CNTNAP2: variants seen among roughly 807,000 people sequenced by gnomAD.
CNTNAP2 encodes the protein contactin associated protein 2, also known as contactin-associated protein-like 2.
CNTNAP2 carries 98 observed loss-of-function variants against 155.2 expected under a neutral mutation model. The observed-to-expected ratio is 0.63, with a 90% CI of 0.54 to 0.75. CNTNAP2 has a LOEUF of 0.75. Ranked by LOEUF, CNTNAP2 falls within the 30% of genes least tolerant of loss-of-function variation. The pLI is 0.00. For missense variants in CNTNAP2, 1,727 were observed against 1,688.1 expected (o/e 1.02, Z -0.40); for synonymous variants, 651 against 631.2 (o/e 1.03, Z -0.47).
chr7:146,765,641 A>G (rs62481397), intron 1 of CNTNAP2, among the ~76,000 whole-genome samples: 27,499 of 152,180 alleles, frequency 0.18, 3,285 homozygotes, highest in Non-Finnish European at 0.27. Flanking sequence ...CCATTCAACA[A>G]GAAAAGTAAT....
At chr7:147,190,316 A>T (rs955178669) in intron 8 of CNTNAP2, among the ~76,000 whole-genome samples, 20 of 152,162 alleles carry the variant, frequency 1.3e-4, no homozygotes, top group African/African-American at 4.8e-4. Flanking sequence ...AGTTGTCTGG[A>T]GTAAGTTTTG....
rs753287011 is a variant in CNTNAP2, at chr7:147,380,810, C to T, written c.1499-14799C>T. On this transcript the variant is annotated intron_variant, in intron 9 of 23. Coordinates refer to ENST00000361727, the MANE Select transcript of CNTNAP2 (RefSeq NM_014141.6). The stretch of plus-strand genomic sequence containing the variant: ...TCCTACTAGTTGGGATTGTCCCTAT[C>T]ATCTTAATGCAGATAATTGTGAGTC... Among the ~76,000 whole-genome samples, 4 of 152,254 alleles carry T rather than the reference C, an allele frequency of 2.6e-5. No individual in the cohort carries two copies. The East Asian group carries it at 7.7e-4, about 29-fold the overall frequency.
At chr7:148,228,284 TTAAC>T (rs1795892960) in intron 19 of CNTNAP2, among the ~76,000 whole-genome samples, 1 of 152,166 alleles carries the variant, frequency 6.6e-6, no homozygotes, top group Admixed American at 6.5e-5. Flanking sequence ...TGCTTGCAGA[TTAAC>T]TAAAAGCAGG....
chr7:146,242,842 C>T (rs953079183), intron 1 of CNTNAP2, among the ~76,000 whole-genome samples: 2 of 152,158 alleles, frequency 1.3e-5, no homozygotes, highest in Non-Finnish European at 2.9e-5. Flanking sequence ...AATGATAGCA[C>T]ATTTAGAAGA....
At position 146,509,411 on chromosome 7, in the gene CNTNAP2, C is replaced by T. The variant is rs116295266; in HGVS notation, c.98-264860C>T. Reference sequence around the variant, plus strand: ...ACTGTTGGCTCCCTCATCCCAAAGGCGAAGCATCTAGGTGGGTAGGATTTC... The same window carrying T: ...ACTGTTGGCTCCCTCATCCCAAAGGTGAAGCATCTAGGTGGGTAGGATTTC... On this transcript the variant is annotated intron_variant, in intron 1 of 23. Coordinates refer to ENST00000361727, the MANE Select transcript of CNTNAP2 (RefSeq NM_014141.6). Among the ~76,000 whole-genome samples the T allele has an allele frequency of 5.3e-3, 812 of 152,262 alleles. 5 individuals are homozygous for T. Among genetic ancestry groups the T allele is most frequent in the African/African-American group, 0.018 (768 of 41,556 alleles).
At chr7:146,332,941 A>ATTTTTTCTTTTTTTT (rs1801209391) in intron 1 of CNTNAP2, among the ~76,000 whole-genome samples, 1 of 102,456 alleles carries the variant, frequency 9.8e-6, no homozygotes, top group Non-Finnish European at 2.0e-5. Flanking sequence ...TTCTTCTTCT[A>ATTTTTTCTTTTTTTT]TTTTTTTTTT....
intron 1 of CNTNAP2, among the ~76,000 whole-genome samples, chr7:146,218,600 C>CT (rs1038722883): frequency 6.6e-5 from 10 of 151,990 alleles, no homozygotes; most frequent in South Asian, 2.1e-4. Flanking sequence ...ATATATATTT[C>CT]TTTTTTTTCC....
At chr7:147,635,470 G>C (rs533511833) in intron 12 of CNTNAP2, among the ~76,000 whole-genome samples, 1 of 151,918 alleles carries the variant, frequency 6.6e-6, no homozygotes, top group Non-Finnish European at 1.5e-5. Flanking sequence ...GGTTTCCTTA[G>C]ATACATTCCC....
intron 1 of CNTNAP2, among the ~76,000 whole-genome samples, chr7:146,536,866 T>C (rs981955612): frequency 7.2e-5 from 11 of 152,098 alleles, no homozygotes; most frequent in Non-Finnish European, 1.5e-4. Flanking sequence ...TATTTTTAAT[T>C]TGAGAAAACT....
chr7:146,692,242 G>C (rs550498224), intron 1 of CNTNAP2, among the ~76,000 whole-genome samples: 1 of 152,130 alleles, frequency 6.6e-6, no homozygotes, highest in South Asian at 2.1e-4. Flanking sequence ...ATAGAGACCT[G>C]TCACAGTGGT....
At chr7:146,800,635 C>G (rs185065181) in intron 2 of CNTNAP2, among the ~76,000 whole-genome samples, 1 of 152,260 alleles carries the variant, frequency 6.6e-6, no homozygotes, top group Admixed American at 6.5e-5. Context: ...TCCTTGAGCG[C>G]CACAAATAAG....
rs1345227156 is a variant in CNTNAP2, at chr7:147,775,704, T to C, written c.2099-127861T>C. Among the ~76,000 whole-genome samples, 4 of 151,958 alleles carry C rather than the reference T, an allele frequency of 2.6e-5. No individual in the cohort carries two copies. The East Asian group carries it at 7.8e-4, about 29-fold the overall frequency. ...AAAGCTATTATGAGCCTAGGCTGAATCAATAGAAGATAAGTGTGCAAATCA... is the reference window on the plus strand; with the variant it reads ...AAAGCTATTATGAGCCTAGGCTGAACCAATAGAAGATAAGTGTGCAAATCA... On this transcript the variant is annotated intron_variant, in intron 13 of 23. Coordinates refer to ENST00000361727, the MANE Select transcript of CNTNAP2 (RefSeq NM_014141.6).
At chr7:146,907,675 G>A (rs554877138) in intron 3 of CNTNAP2, among the ~76,000 whole-genome samples, 5,970 of 149,402 alleles carry the variant, frequency 0.04, 131 homozygotes, top group South Asian at 0.078. Flanking sequence ...AGGAACAACC[G>A]GTACCAGCTG....
At chr7:146,377,705 C>T (rs1025551246) in intron 1 of CNTNAP2, among the ~76,000 whole-genome samples, 1 of 152,144 alleles carries the variant, frequency 6.6e-6, no homozygotes, top group East Asian at 1.9e-4. Flanking sequence ...AATTAAAAGC[C>T]TGGAATAAGA....
intron 3 of CNTNAP2, among the ~76,000 whole-genome samples, chr7:147,000,506 C>A (rs2129240822): frequency 6.6e-6 from 1 of 152,132 alleles, no homozygotes; most frequent in East Asian, 1.9e-4. Context: ...CCAGTCTTTG[C>A]AGTCTGCCTT....
Position 147,347,453 on chromosome 7 carries a change from TATGC to T in CNTNAP2, c.1498+47166_1498+47169del, listed in dbSNP as rs1216243299. Among the ~76,000 whole-genome samples the T allele has an allele frequency of 3.9e-3, 190 of 48,152 alleles. 3 individuals carry two copies. Among genetic ancestry groups the T allele is most frequent in the African/African-American group, 0.013 (184 of 14,628 alleles). 31.6% of individuals were successfully genotyped at this position (48,152 alleles called of 152,430 possible). A position where few individuals can be genotyped will look rare whatever the true frequency, so the allele number is the denominator to read the frequency against. ...ATATATATATATGCATATATATATATATGCATATATATATATATATATGCATATA... is the reference window on the plus strand; with the variant it reads ...ATATATATATATGCATATATATATATATATATATATATATATATGCATATA... On this transcript the variant is annotated intron_variant, in intron 9 of 23. Coordinates refer to ENST00000361727, the MANE Select transcript of CNTNAP2 (RefSeq NM_014141.6).
At chr7:146,275,426 TA>T (rs1357721058) in intron 1 of CNTNAP2, among the ~76,000 whole-genome samples, 65 of 152,166 alleles carry the variant, frequency 4.3e-4, no homozygotes, top group Non-Finnish European at 7.1e-4. Flanking sequence ...TTAACATAAA[TA>T]AAAACACTTA....
chr7:146,400,888 C>T (rs1795704543), intron 1 of CNTNAP2, among the ~76,000 whole-genome samples: 1 of 152,162 alleles, frequency 6.6e-6, no homozygotes, highest in Admixed American at 6.6e-5. Flanking sequence ...TAAGGAAATT[C>T]TCCCTTTACA....
intron 8 of CNTNAP2, among the ~76,000 whole-genome samples, chr7:147,288,380 T>C (rs1805229759): frequency 6.6e-6 from 1 of 152,178 alleles, no homozygotes; most frequent in South Asian, 2.1e-4. Flanking sequence ...TTGTAAGAGA[T>C]GAATTAATGA....
Sources: gnomAD v4.1 joint callset for allele counts (sites outside exome capture counted in the v4.1 genomes callset) on GRCh38, gnomAD v4.1.1 for gene constraint, MANE v1.5 for transcripts, NCBI Gene and HGNC (gene_info 2026-07-23, HGNC 2026-07-21) for gene names.